The following MSH4 variants were observed in gnomAD, a reference collection of about 807,000 sequenced individuals.
MSH4 encodes the protein mutS protein homolog 4.
In MSH4, 106 loss-of-function variants were observed where a neutral mutation model predicts 113.7. The ratio of observed to expected loss-of-function variants is 0.93; its 90% confidence interval spans 0.80 to 1.10. The LOEUF (loss-of-function observed/expected upper bound fraction) is 1.10. MSH4 is among the 50% of genes least tolerant of loss of function. MSH4 has a pLI of 0.00. For missense variants in MSH4, 1,061 were observed against 1,093.7 expected (o/e 0.97, Z 0.42); for synonymous variants, 368 against 380.2 (o/e 0.97, Z 0.37).
At chr1:75,901,906 G>T (rs557198724) in intron 19 of MSH4, among the ~76,000 whole-genome samples, 112 of 152,090 alleles carry the variant, frequency 7.4e-4, no homozygotes, top group African/African-American at 2.6e-3. Flanking sequence ...CTTAATGACT[G>T]GTGATGTTGA....
chr1:75,860,534 G>A (rs1238109088), intron 8 of MSH4, among the ~76,000 whole-genome samples: 2 of 152,134 alleles, frequency 1.3e-5, no homozygotes, highest in African/African-American at 4.8e-5. Context: ...TCTTAGTTTG[G>A]CTGGATATGA....
intron 10 of MSH4, among the ~76,000 whole-genome samples, chr1:75,877,875 C>T (rs919050217): frequency 1.3e-5 from 2 of 152,130 alleles, no homozygotes; most frequent in Non-Finnish European, 2.9e-5. Flanking sequence ...CCCACAGGCA[C>T]ATCAGTATAT....
At chr1:75,839,080 G>T (rs765674720) in intron 7 of MSH4, among the ~76,000 whole-genome samples, 92 of 151,974 alleles carry the variant, frequency 6.1e-4, no homozygotes, top group Non-Finnish European at 1.1e-3. Flanking sequence ...AATACTGTTT[G>T]TATGATAAAA....
intron 7 of MSH4, among the ~76,000 whole-genome samples, chr1:75,844,853 T>C (rs377370349): frequency 2.0e-5 from 3 of 152,130 alleles, no homozygotes; most frequent in Non-Finnish European, 2.9e-5. Flanking sequence ...TAAAGAACAG[T>C]GATTTATTTC....
chr1:75,834,025 A>G (rs1650769911), intron 7 of MSH4, among the ~76,000 whole-genome samples: 1 of 152,218 alleles, frequency 6.6e-6, no homozygotes, highest in South Asian at 2.1e-4. Context: ...AAATTTTACA[A>G]TCTACCCATC....
At chr1:75,881,422 AT>A in intron 14 of MSH4, 52 bp downstream of exon 14, 1 of 1,559,324 alleles carries the variant, frequency 6.4e-7, no homozygotes, top group Non-Finnish European at 8.7e-7. Context: ...TTTGTATTCG[AT>A]TCAAACAATT....
chr1:75,806,235 G>GTTTTTTT (rs775023850), intron 2 of MSH4, among the ~76,000 whole-genome samples: 1 of 60,778 alleles, frequency 1.6e-5, no homozygotes, highest in Non-Finnish European at 2.7e-5. Context: ...TTTCTGTTTG[G>GTTTTTTT]TTTTTTTTTT....
In MSH4 at chr1:75,901,373, A is replaced by G. The variant is rs528185702; in HGVS notation, c.2619+1667A>G. On this transcript the variant is annotated intron_variant, in intron 19 of 19. Coordinates refer to ENST00000263187, the MANE Select transcript of MSH4 (RefSeq NM_002440.4). ...TGAGCTCTTCACCTCCATGAGATCA[A>G]CTCTTTTAGCTCAGGCATATGAGTG... Among the ~76,000 whole-genome samples the G allele has an allele frequency of 4.6e-5, 7 of 151,714 alleles. No individual in the cohort carries two copies. The South Asian group carries it at 8.3e-4, about 18-fold the overall frequency.
intron 9 of MSH4, among the ~76,000 whole-genome samples, chr1:75,870,856 T>C (rs1442561232): frequency 6.6e-6 from 1 of 152,152 alleles, no homozygotes; most frequent in Non-Finnish European, 1.5e-5. Context: ...TTTCTTGTAA[T>C]GAAATAAATG....
At position 75,822,509 on chromosome 1, in the gene MSH4, A is replaced by T; in HGVS notation, c.1090A>T (p.Thr364Ser). ...NILEPLVDIETINMRLDCVQE... is the reference protein window; with the variant it reads ...NILEPLVDIESINMRLDCVQE... ...ATTAGAGCCTCTAGTTGATATTGAA[A>T]CCATTAACATGAGATTAGATTGTGT... Residue 364 changes from threonine to serine, a missense_variant, in exon 7 of 20, where the codon ACC becomes TCC. Coordinates refer to ENST00000263187, the MANE Select transcript of MSH4 (RefSeq NM_002440.4). 6.3e-7 allele frequency: 1 copy of T among 1,587,376 alleles called. No homozygotes were observed. Among genetic ancestry groups the T allele is most frequent in the Non-Finnish European group, 8.5e-7 (1 of 1,170,446 alleles).
chr1:75,807,245 AT>A, intron 3 of MSH4, 104 bp downstream of exon 3: 1 of 820,122 alleles, frequency 1.2e-6, no homozygotes, highest in Admixed American at 3.1e-5. Context: ...AATAAAGGTT[AT>A]TCATTATTAT....
intron 9 of MSH4, among the ~76,000 whole-genome samples, chr1:75,873,526 C>T (rs796298603): frequency 1.5e-4 from 22 of 151,702 alleles, no homozygotes; most frequent in African/African-American, 5.1e-4. Context: ...AAGCCTAGTA[C>T]CCAATAGTTA....
chr1:75,897,302 A>G (rs1652406181), intron 17 of MSH4, among the ~76,000 whole-genome samples: 1 of 152,262 alleles, frequency 6.6e-6, no homozygotes, highest in Admixed American at 6.5e-5. Flanking sequence ...TGCATGTTTA[A>G]CAGGCTCTCT....
intron 2 of MSH4, among the ~76,000 whole-genome samples, chr1:75,806,563 A>G (rs1650073019): frequency 6.6e-6 from 1 of 151,748 alleles, no homozygotes; most frequent in African/African-American, 2.4e-5. Context: ...GTTAGTTTCT[A>G]TGTTTCTAGT....
chr1:75,827,243 C>T (rs560355792), intron 7 of MSH4, among the ~76,000 whole-genome samples: 1 of 152,202 alleles, frequency 6.6e-6, no homozygotes, highest in African/African-American at 2.4e-5. Context: ...AACTTAATTT[C>T]ATAAGTGAAG....
At chr1:75,819,214 A>G (rs2100517505) in intron 6 of MSH4, among the ~76,000 whole-genome samples, 1 of 152,122 alleles carries the variant, frequency 6.6e-6, no homozygotes, top group East Asian at 1.9e-4. Context: ...GTCAATGGCT[A>G]AGTGCGGTGG....
At chr1:75,863,357 G>A (rs76456433) in intron 8 of MSH4, among the ~76,000 whole-genome samples, 11,546 of 152,066 alleles carry the variant, frequency 0.076, 721 homozygotes, top group East Asian at 0.27. Flanking sequence ...AAACTAACTA[G>A]TTAGCCTGCC....
At chr1:75,861,878 G>A (rs965937977) in intron 8 of MSH4, among the ~76,000 whole-genome samples, 1 of 152,142 alleles carries the variant, frequency 6.6e-6, no homozygotes, top group Non-Finnish European at 1.5e-5. Flanking sequence ...CCCCAGAGGT[G>A]GAATCTAGAG....
At chr1:75,868,319 G>A (rs1651633667) in intron 9 of MSH4, among the ~76,000 whole-genome samples, 1 of 151,894 alleles carries the variant, frequency 6.6e-6, no homozygotes, top group Non-Finnish European at 1.5e-5. Flanking sequence ...TTAATCTATG[G>A]AGAGTTATTT....
Sources: gnomAD v4.1 joint callset for allele counts (sites outside exome capture counted in the v4.1 genomes callset) on GRCh38, gnomAD v4.1.1 for gene constraint, MANE v1.5 for transcripts, NCBI Gene and HGNC (gene_info 2026-07-23, HGNC 2026-07-21) for gene names.